Variants in NAALADL2 observed in about 807,000 individuals in gnomAD.
NAALADL2 encodes inactive N-acetylated-alpha-linked acidic dipeptidase-like protein 2.
A neutral mutation model predicts 87.2 loss-of-function variants in NAALADL2; 76 were observed. That is an observed-to-expected ratio of 0.87 (90% confidence interval 0.72 to 1.05). The LOEUF (loss-of-function observed/expected upper bound fraction) is 1.05. Among genes scored for constraint, NAALADL2 ranks in the 50% least tolerant of loss-of-function variants. The pLI is 0.00. For missense variants in NAALADL2, 1,089 were observed against 945.8 expected (o/e 1.15, Z -1.99); for synonymous variants, 354 against 331.0 (o/e 1.07, Z -0.75).
rs939664936 is a variant in NAALADL2, at chr3:175,312,812, A to G, written c.940-11363A>G. On this transcript the variant is annotated intron_variant, in intron 4 of 13. Coordinates refer to ENST00000454872, the MANE Select transcript of NAALADL2 (RefSeq NM_207015.3). ...CAACAAATAAGAGATAGTGCCTGGC[A>G]CATGGGAAATATACAGTTAAGTACT... Among the ~76,000 whole-genome samples the G allele has an allele frequency of 7.9e-5, 12 of 152,362 alleles. No individual in the cohort carries two copies. In the East Asian group the frequency reaches 2.3e-3, roughly 29 times the overall value.
chr3:175,535,844 T>C (rs992776080), intron 9 of NAALADL2, among the ~76,000 whole-genome samples: 3 of 152,206 alleles, frequency 2.0e-5, no homozygotes, highest in African/African-American at 7.2e-5. Flanking sequence ...AATAACTACC[T>C]GTAAACGGGT....
At chr3:175,230,064 T>C (rs1223005511) in intron 2 of NAALADL2, among the ~76,000 whole-genome samples, 2 of 152,016 alleles carry the variant, frequency 1.3e-5, no homozygotes, top group African/African-American at 4.8e-5. Context: ...AGAGTTGTCA[T>C]TGCACATTAA....
intron 1 of NAALADL2, among the ~76,000 whole-genome samples, chr3:174,965,828 C>T (rs1369780501): frequency 6.6e-6 from 1 of 151,888 alleles, no homozygotes; most frequent in Non-Finnish European, 1.5e-5. Context: ...GTAATTTTTA[C>T]AGTATGGTCT....
intron 2 of NAALADL2, among the ~76,000 whole-genome samples, chr3:175,160,195 A>C (rs1025943640): frequency 2.6e-5 from 4 of 151,786 alleles, no homozygotes; most frequent in African/African-American, 4.8e-5. Context: ...TCACCAGTAC[A>C]GTGGTAGTTT....
At chr3:174,822,562 C>T (rs1443895900) in intron 3 of NAALADL2, among the ~76,000 whole-genome samples, 2 of 152,076 alleles carry the variant, frequency 1.3e-5, no homozygotes, top group Non-Finnish European at 2.9e-5. Flanking sequence ...GACTTGGGAA[C>T]AAGGGAGAAG....
chr3:175,609,114 G>T (rs1724211111), intron 10 of NAALADL2, among the ~76,000 whole-genome samples: 2 of 151,740 alleles, frequency 1.3e-5, no homozygotes, highest in Admixed American at 6.6e-5. Flanking sequence ...AATGAAAATA[G>T]ACACCCAGAT....
chr3:175,350,145 G>A (rs1408683204), intron 5 of NAALADL2, among the ~76,000 whole-genome samples: 1 of 148,974 alleles, frequency 6.7e-6, no homozygotes, highest in Admixed American at 6.7e-5. Flanking sequence ...TTTTTCCCTT[G>A]TTTTAGTAGG....
chr3:175,039,233 C>T (rs1296073252), intron 1 of NAALADL2, among the ~76,000 whole-genome samples: 2 of 152,178 alleles, frequency 1.3e-5, no homozygotes, highest in Admixed American at 1.3e-4. Flanking sequence ...GTGGCACAAA[C>T]TCGGCTCACT....
chr3:174,985,971 C>CA (rs989880987), intron 1 of NAALADL2, among the ~76,000 whole-genome samples: 6 of 151,216 alleles, frequency 4.0e-5, no homozygotes, highest in African/African-American at 9.7e-5. Flanking sequence ...CAAAATAAAA[C>CA]AAAAAAAAGC....
intron 9 of NAALADL2, among the ~76,000 whole-genome samples, chr3:175,522,264 G>C (rs1298576031): frequency 6.6e-6 from 1 of 152,098 alleles, no homozygotes; most frequent in Non-Finnish European, 1.5e-5. Context: ...TTCATTAGTT[G>C]TTTTAATATT....
At chr3:174,558,272 C>T (rs528324520) in intron 2 of NAALADL2, among the ~76,000 whole-genome samples, 7 of 152,242 alleles carry the variant, frequency 4.6e-5, no homozygotes, top group African/African-American at 9.6e-5. Flanking sequence ...CGCTTGTTTC[C>T]TCTAGCACAG....
At chr3:174,853,527 G>A (rs1725505303) in intron 3 of NAALADL2, among the ~76,000 whole-genome samples, 2 of 151,872 alleles carry the variant, frequency 1.3e-5, no homozygotes, top group African/African-American at 4.8e-5. Flanking sequence ...AGCAAAAGTA[G>A]ACAAATGGGA....
chr3:175,513,734 C>T (rs1224040502), intron 9 of NAALADL2, among the ~76,000 whole-genome samples: 1 of 152,178 alleles, frequency 6.6e-6, no homozygotes, highest in African/African-American at 2.4e-5. Context: ...CAATAGACAG[C>T]AGCGTGTGGC....
At chr3:175,712,718 A>C (rs1452163020) in intron 11 of NAALADL2, among the ~76,000 whole-genome samples, 3 of 152,106 alleles carry the variant, frequency 2.0e-5, no homozygotes, top group African/African-American at 7.2e-5. Flanking sequence ...CAATGAATCC[A>C]TCAAGACCTT....
At chr3:175,257,297 A>G (rs1277950858) in intron 4 of NAALADL2, 2 of 151,672 alleles carry the variant, frequency 1.3e-5, no homozygotes, top group East Asian at 3.9e-4. Flanking sequence ...AGCTTTGCTA[A>G]CTCCCAGGTC....
intron 5 of NAALADL2, among the ~76,000 whole-genome samples, chr3:175,340,701 A>T (rs1042716289): frequency 6.6e-6 from 1 of 152,194 alleles, no homozygotes; most frequent in Non-Finnish European, 1.5e-5. Context: ...AAGGATACAG[A>T]TGCAATTAAC....
At position 175,667,744 on chromosome 3, in the gene NAALADL2, T is replaced by G. The variant is rs77805478; in HGVS notation, c.1896+40358T>G. 8.5e-3 allele frequency among the ~76,000 whole-genome samples: 805 copies of G among 94,990 alleles called. 9 individuals carry two copies. The highest frequency in any genetic ancestry group is 0.058 in the African/African-American group (758 of 13,142). 62.3% of individuals were successfully genotyped at this position (94,990 alleles called of 152,430 possible). Reference sequence around the variant, plus strand: ...TCAGATATCTGTGTGTTTTTTGCTGTTTTTTTTTTTTTTTTTTCTGTAACA... The same window carrying G: ...TCAGATATCTGTGTGTTTTTTGCTGGTTTTTTTTTTTTTTTTTCTGTAACA... On this transcript the variant is annotated intron_variant, in intron 11 of 13. Coordinates refer to ENST00000454872, the MANE Select transcript of NAALADL2 (RefSeq NM_207015.3).
intron 5 of NAALADL2, among the ~76,000 whole-genome samples, chr3:175,409,673 A>G (rs545624092): frequency 2.0e-5 from 3 of 151,916 alleles, no homozygotes; most frequent in African/African-American, 4.8e-5. Flanking sequence ...TTGTAAATTC[A>G]TTAATTTAGG....
intron 11 of NAALADL2, among the ~76,000 whole-genome samples, chr3:175,681,820 CAG>C (rs1238194267): frequency 2.6e-4 from 39 of 152,116 alleles, no homozygotes; most frequent in Admixed American, 2.6e-4. Flanking sequence ...TGCTTGAAGA[CAG>C]GGGCTGATGT....
Sources: gnomAD v4.1 joint callset for allele counts (sites outside exome capture counted in the v4.1 genomes callset) on GRCh38, gnomAD v4.1.1 for gene constraint, MANE v1.5 for transcripts, NCBI Gene and HGNC (gene_info 2026-07-23, HGNC 2026-07-21) for gene names.